Variants in PIK3R4 observed in about 807,000 individuals in gnomAD.
The protein encoded by PIK3R4 is phosphoinositide-3-kinase regulatory subunit 4, also known as phosphoinositide 3-kinase regulatory subunit 4.
PIK3R4 carries 46 observed loss-of-function variants against 136.5 expected under a neutral mutation model. That is an observed-to-expected ratio of 0.34 (90% confidence interval 0.27 to 0.43). The LOEUF (loss-of-function observed/expected upper bound fraction) is 0.43, where lower values mean the gene tolerates loss of function less well. Among genes scored for constraint, PIK3R4 ranks in the 20% least tolerant of loss-of-function variants. PIK3R4 has a pLI of 1.00. For missense variants in PIK3R4, 1,331 were observed against 1,649.5 expected, an observed-to-expected ratio of 0.81 and a Z score of 3.35; for synonymous variants, 557 against 566.7, an observed-to-expected ratio of 0.98 and a Z score of 0.24.
chr3:130,730,682 T>A, intron 4 of PIK3R4, among the ~76,000 whole-genome samples: 1 of 150,468 alleles, frequency 6.6e-6, no homozygotes, highest in South Asian at 2.1e-4. Context: ...ATAAAAATAA[T>A]CTAATACCTC....
At chr3:130,742,010 G>A (rs527759843) in intron 2 of PIK3R4, among the ~76,000 whole-genome samples, 26 of 152,228 alleles carry the variant, frequency 1.7e-4, no homozygotes, top group African/African-American at 5.8e-4. Flanking sequence ...TAATGAAAAC[G>A]ACATTATTTG....
In PIK3R4 at chr3:130,705,142, T is replaced by TA. The variant is rs200415321; in HGVS notation, c.2932+418dup. Among the ~76,000 whole-genome samples, 177 of 152,284 alleles carry TA rather than the reference T, an allele frequency of 1.2e-3. 1 individual carries two copies. In the East Asian group the frequency reaches 0.03, roughly 26 times the overall value. ...CACCACAACCAGCCTGTTTTCTTTT[T>TA]AAAAAAAGTACTCATCATTTTCTAA... is the stretch of plus-strand genomic sequence containing the variant. On this transcript the variant is annotated intron_variant, in intron 12 of 19. Coordinates refer to ENST00000356763, the MANE Select transcript of PIK3R4 (RefSeq NM_014602.3).
chr3:130,680,570 T>C, intron 19 of PIK3R4, 43 bp downstream of exon 19: 1 of 1,065,132 alleles, frequency 9.4e-7, no homozygotes, highest in Non-Finnish European at 1.4e-6. Context: ...AAAAGCCATG[T>C]TTGTGCTTAC....
In PIK3R4 at chr3:130,703,753, T is replaced by C; in HGVS notation, c.3068A>G (p.Gln1023Arg). The C allele has an allele frequency of 6.2e-7, 1 of 1,613,574 alleles. No individual in the cohort carries two copies. Among genetic ancestry groups the C allele is most frequent in the Non-Finnish European group, 8.5e-7 (1 of 1,179,522 alleles). ...NDGTVKIWNS[Q>R]KMEGKTTTTR... ...AGTGGTGGTCTTCCCCTCCATCTTT[T>C]GACTGTTCCAGATTTTCACTGTGCC... is the stretch of plus-strand genomic sequence containing the variant. The change falls in exon 13 of 20, where the codon CAA becomes CGA. Residue 1023 changes from glutamine to arginine, a missense_variant. By Grantham distance (43) the Gln-to-Arg change is conservative. This residue lies in a region of PIK3R4 where 1,180 missense variants were observed against 1,407.0 expected (regional missense o/e 0.84). Transcript: ENST00000356763.
chr3:130,734,642 T>C (rs1019288275), intron 3 of PIK3R4, among the ~76,000 whole-genome samples: 2 of 152,222 alleles, frequency 1.3e-5, no homozygotes, highest in African/African-American at 4.8e-5. Flanking sequence ...ATCTAATCAG[T>C]AGGGGAATCA....
rs1320669124 is a variant in PIK3R4 at position 130,728,686 on chromosome 3, T to A, written c.1586-2A>T. On this transcript the variant is annotated splice_acceptor_variant, in intron 5 of 19. Transcript: ENST00000356763. LOFTEE classifies it high-confidence loss of function. ...CCATTTCATGTAAGGCTTGGAGCTC[T>A]AAAAAAAAAAAAAAAAGAAAGAAAG... is the stretch of plus-strand genomic sequence containing the variant. The A allele has an allele frequency of 4.5e-4, 466 of 1,027,980 alleles. No individual in the cohort carries two copies. Among genetic ancestry groups the A allele is most frequent in the South Asian group, 2.8e-3 (118 of 41,692 alleles). The allele number at this position is 1,027,980 out of a possible 1,614,324, so 63.7% of individuals were successfully genotyped here. A position where few individuals can be genotyped will look rare whatever the true frequency, so the allele number is the denominator to read the frequency against.
At chr3:130,712,505 C>T (rs2066638030) in intron 9 of PIK3R4, among the ~76,000 whole-genome samples, 3 of 151,892 alleles carry the variant, frequency 2.0e-5, no homozygotes, top group African/African-American at 7.3e-5. Context: ...CCCGTCTCTA[C>T]TAAAAATACA....
intron 6 of PIK3R4, among the ~76,000 whole-genome samples, chr3:130,725,575 T>A (rs1466425564): frequency 7.1e-6 from 1 of 141,304 alleles, no homozygotes; most frequent in Non-Finnish European, 1.6e-5. Context: ...AGACTTTACA[T>A]ACAAAAGTAG....
intron 7 of PIK3R4, among the ~76,000 whole-genome samples, chr3:130,722,784 C>T (rs992126499): frequency 6.6e-5 from 10 of 151,286 alleles, no homozygotes; most frequent in Admixed American, 1.3e-4. Context: ...CGGCCAGGAG[C>T]GGTGGCTCGT....
At chr3:130,694,478 A>G (rs2066535929) in intron 13 of PIK3R4, among the ~76,000 whole-genome samples, 1 of 152,088 alleles carries the variant, frequency 6.6e-6, no homozygotes, top group Admixed American at 6.5e-5. Flanking sequence ...TTTTCAGTAT[A>G]CAAATCTTAT....
At chr3:130,708,574 G>C in intron 9 of PIK3R4, 82 bp from the exon 10 acceptor site, 1 of 1,194,950 alleles carries the variant, frequency 8.4e-7, no homozygotes, top group Non-Finnish European at 1.2e-6. Flanking sequence ...CAACTGAAGG[G>C]ACAAATCACC....
rs375703597 is a variant in PIK3R4, at chr3:130,686,555, C to T, written c.3264-133G>A. ...GTGACTCTATCAAGAAAACGAAAGC[C>T]GACACATTAAAAAAATTCCAGATGT... is the stretch of plus-strand genomic sequence containing the variant. On this transcript the variant is annotated intron_variant, in intron 14 of 19. Coordinates refer to ENST00000356763, the MANE Select transcript of PIK3R4 (RefSeq NM_014602.3). The T allele has an allele frequency of 3.2e-4, 188 of 588,578 alleles. 3 individuals are homozygous for T. The South Asian group carries it at 4.2e-3, about 13-fold the overall frequency. The allele number at this position is 588,578 out of a possible 1,614,324, so 36.5% of individuals were successfully genotyped here.
intron 14 of PIK3R4, among the ~76,000 whole-genome samples, chr3:130,688,866 T>A (rs1455064006): frequency 6.6e-6 from 1 of 152,222 alleles, no homozygotes; most frequent in East Asian, 1.9e-4. Flanking sequence ...TTGAATATTA[T>A]TTTTATTTTG....
In PIK3R4 at chr3:130,745,113, G is replaced by C; in HGVS notation, c.106C>G (p.Arg36Gly). The change falls in exon 2 of 20, where the codon CGG (arginine) becomes GGG (glycine). Residue 36 changes from arginine (R) to glycine (G), a missense_variant. This residue lies in a region of PIK3R4 where 151 missense variants were observed against 242.5 expected (regional missense o/e 0.62). Coordinates refer to ENST00000356763, the MANE Select transcript of PIK3R4 (RefSeq NM_014602.3). Reference sequence around the variant, plus strand: ...TTGGCTCGAGCAACTTTAAAAAACCGAGTACTCCCCAGGCTTTTATCATAT... The same window carrying C: ...TTGGCTCGAGCAACTTTAAAAAACCCAGTACTCCCCAGGCTTTTATCATAT... ...FEYDKSLGST[R>G]FFKVARAKHR... The C allele has an allele frequency of 6.2e-7, 1 of 1,613,686 alleles. No individual in the cohort carries two copies.
intron 14 of PIK3R4, among the ~76,000 whole-genome samples, chr3:130,687,075 T>TG (rs1302677445): frequency 1.3e-5 from 2 of 151,634 alleles, no homozygotes; most frequent in Non-Finnish European, 2.9e-5. Flanking sequence ...ATTTGGGTTT[T>TG]TTTTTTTTTT....
chr3:130,702,454 C>T (rs151035763), intron 13 of PIK3R4, among the ~76,000 whole-genome samples: 42 of 152,122 alleles, frequency 2.8e-4, no homozygotes, highest in East Asian at 2.1e-3. Flanking sequence ...TAGAGCTAAT[C>T]GGCACAAAAT....
At chr3:130,736,036 G>C (rs1451070437) in intron 2 of PIK3R4, 34 bp from the exon 3 acceptor site, 1 of 1,552,180 alleles carries the variant, frequency 6.4e-7, no homozygotes, top group Non-Finnish European at 8.7e-7. Context: ...TGTTAGAAAA[G>C]AGATAAAAAA....
In PIK3R4 at chr3:130,730,339, C is replaced by G. The variant is rs749592519; in HGVS notation, c.1554G>C (p.Glu518Asp). 2.5e-6 allele frequency: 4 copies of G among 1,593,778 alleles called. No individual in the cohort carries two copies. The highest frequency in any genetic ancestry group is 3.4e-6 in the Non-Finnish European group (4 of 1,171,884). ...ENDPNNEEID[E>D]VTHPNGNYDT... ...CATAATTTCCATTTGGATGTGTAACCTCATCTATTTCTTCATTATTGGGGT... is the reference window on the plus strand; with the variant it reads ...CATAATTTCCATTTGGATGTGTAACGTCATCTATTTCTTCATTATTGGGGT... Residue 518 changes from glutamate (E) to aspartate (D), a missense_variant, in exon 5 of 20, where the codon GAG becomes GAC. Around this residue, in one of 2 missense-constraint regions of PIK3R4, gnomAD observed 1,180 missense variants for 1,407.0 expected, o/e 0.84. Transcript: ENST00000356763.
rs1469401822 is a variant in PIK3R4 at position 130,745,111 on chromosome 3, C to A, written c.108G>T (p.Arg36=). 6.2e-7 allele frequency: 1 copy of A among 1,613,914 alleles called. No homozygotes were observed. Among genetic ancestry groups the A allele is most frequent in the South Asian group, 1.1e-5 (1 of 91,068 alleles). ...GCTTGGCTCGAGCAACTTTAAAAAACCGAGTACTCCCCAGGCTTTTATCAT... is the reference window on the plus strand; with the variant it reads ...GCTTGGCTCGAGCAACTTTAAAAAAACGAGTACTCCCCAGGCTTTTATCAT... ...FEYDKSLGST[R]FFKVARAKHR... Residue 36 remains arginine, a synonymous_variant, in exon 2 of 20, where the codon CGG becomes CGT. Coordinates refer to ENST00000356763, the MANE Select transcript of PIK3R4 (RefSeq NM_014602.3).
Sources: allele counts gnomAD v4.1 joint callset (sites outside exome capture counted in the v4.1 genomes callset), GRCh38; gene constraint gnomAD v4.1.1; regional missense constraint gnomAD v4.1.1; transcripts MANE v1.5; gene names NCBI Gene and HGNC (gene_info 2026-07-23, HGNC 2026-07-21).